RAPGEF5: variants seen among roughly 807,000 people sequenced by gnomAD.
RAPGEF5 encodes M-Ras-regulated GEF.
In RAPGEF5, 65 loss-of-function variants were observed where a neutral mutation model predicts 125.2. The ratio of observed to expected loss-of-function variants is 0.52; its 90% CI spans 0.43 to 0.64. The LOEUF (loss-of-function observed/expected upper bound fraction) is 0.64. Among genes scored for constraint, RAPGEF5 ranks in the 30% least tolerant of loss-of-function variants. The pLI, the probability that RAPGEF5 is intolerant of heterozygous loss-of-function variation, is 0.00. For missense variants in RAPGEF5, 958 were observed against 1,048.1 expected (o/e 0.91, Z 1.19); for synonymous variants, 391 against 385.9 (o/e 1.01, Z -0.16).
chr7:22,280,389 G>C (rs899103415), intron 6 of RAPGEF5, among the ~76,000 whole-genome samples: 1 of 152,174 alleles, frequency 6.6e-6, no homozygotes, highest in Non-Finnish European at 1.5e-5. Flanking sequence ...GATGGGAAAT[G>C]TCAACAAAAC....
At chr7:22,175,605 G>A (rs543197683) in intron 11 of RAPGEF5, among the ~76,000 whole-genome samples, 3 of 152,142 alleles carry the variant, frequency 2.0e-5, no homozygotes, top group Non-Finnish European at 4.4e-5. Flanking sequence ...AGATTCACTC[G>A]GTCCAACTCG....
intron 13 of RAPGEF5, 23 bp from the exon 14 acceptor site, chr7:22,160,638 A>C (rs1344177274): frequency 6.6e-7 from 1 of 1,514,200 alleles, no homozygotes; most frequent in East Asian, 2.5e-5. Context: ...GACAAATGAG[A>C]GCTCAGTGGT....
intron 1 of RAPGEF5, among the ~76,000 whole-genome samples, chr7:22,352,766 A>C (rs1209752326): frequency 1.3e-5 from 2 of 152,232 alleles, no homozygotes; most frequent in South Asian, 4.1e-4. Context: ...TATCCTGCAC[A>C]TTGTGAATTT....
intron 11 of RAPGEF5, among the ~76,000 whole-genome samples, chr7:22,179,152 T>C (rs1784596734): frequency 6.6e-6 from 1 of 152,178 alleles, no homozygotes; most frequent in Admixed American, 6.6e-5. Context: ...TAATAGAATA[T>C]TATATACAAT....
chr7:22,238,919 A>G (rs996572568), intron 7 of RAPGEF5, among the ~76,000 whole-genome samples: 5 of 152,218 alleles, frequency 3.3e-5, no homozygotes, highest in African/African-American at 1.2e-4. Flanking sequence ...ATCTGTACCA[A>G]TATGTTTTAA....
chr7:22,355,718 G>C (rs143886595), intron 1 of RAPGEF5, among the ~76,000 whole-genome samples: 174 of 152,206 alleles, frequency 1.1e-3, no homozygotes, highest in African/African-American at 4.0e-3. Context: ...ATGCAGCCTC[G>C]AGAAGCTGAA....
At chr7:22,312,481 T>C (rs542294501) in intron 3 of RAPGEF5, among the ~76,000 whole-genome samples, 86 of 152,260 alleles carry the variant, frequency 5.6e-4, no homozygotes, top group African/African-American at 1.9e-3. Flanking sequence ...AGTGCTGGGA[T>C]TACAGGCATG....
intron 12 of RAPGEF5, chr7:22,162,825 C>T: frequency 2.0e-6 from 1 of 491,294 alleles, no homozygotes; most frequent in South Asian, 1.7e-5. Flanking sequence ...TAATGCCAGC[C>T]CAAGGAGATA....
intron 2 of RAPGEF5, among the ~76,000 whole-genome samples, chr7:22,316,489 A>ATTTTTTT (rs1174593478): frequency 1.4e-4 from 7 of 50,642 alleles, no homozygotes; most frequent in Non-Finnish European, 1.7e-4. Flanking sequence ...ATATATATAT[A>ATTTTTTT]TTTTTTTTTT....
intron 24 of RAPGEF5, among the ~76,000 whole-genome samples, chr7:22,128,208 C>T (rs1220419910): frequency 3.9e-5 from 6 of 152,102 alleles, no homozygotes. Flanking sequence ...AAAGATGATG[C>T]TCTTAACATC....
chr7:22,345,091 T>C (rs1431372341), intron 1 of RAPGEF5, among the ~76,000 whole-genome samples: 1 of 152,194 alleles, frequency 6.6e-6, no homozygotes, highest in African/African-American at 2.4e-5. Flanking sequence ...CTGGAATATG[T>C]GTTTTAACAA....
chr7:22,223,447 A>G (rs909103137), intron 8 of RAPGEF5, among the ~76,000 whole-genome samples: 4 of 152,228 alleles, frequency 2.6e-5, no homozygotes, highest in Non-Finnish European at 2.9e-5. Context: ...CAATTCTTCC[A>G]AAGAGGTTTG....
chr7:22,162,310 T>C (rs116514747), intron 13 of RAPGEF5, 87 bp downstream of exon 13: 30,079 of 1,363,834 alleles, frequency 0.022, 433 homozygotes, highest in Middle Eastern at 0.055. Context: ...TGAATGACTG[T>C]TACCTACAAA....
intron 6 of RAPGEF5, among the ~76,000 whole-genome samples, chr7:22,289,278 CTACAT>C (rs1380919715): frequency 2.0e-5 from 3 of 152,148 alleles, no homozygotes; most frequent in African/African-American, 7.2e-5. Flanking sequence ...ATCCCAATAA[CTACAT>C]TACATTATTT....
At position 22,325,606 on chromosome 7, in the gene RAPGEF5, C is replaced by T. The variant is rs531686785; in HGVS notation, c.232-7569G>A. Among the ~76,000 whole-genome samples the T allele has an allele frequency of 4.6e-5, 7 of 152,298 alleles. No homozygotes were observed. In the South Asian group the frequency reaches 1.2e-3, roughly 27 times the overall value. On this transcript the variant is annotated intron_variant, in intron 1 of 25. Transcript: ENST00000665637. ...TTAAAGACAGGGTCTTGCTCTGTCT[C>T]CCAGGCTGGAGTGCAGTGGCACAAT...
chr7:22,266,071 G>A (rs548566972), intron 7 of RAPGEF5, among the ~76,000 whole-genome samples: 2 of 152,178 alleles, frequency 1.3e-5, no homozygotes, highest in African/African-American at 4.8e-5. Flanking sequence ...AATAGTAACT[G>A]AGAAAAAATC....
intron 11 of RAPGEF5, among the ~76,000 whole-genome samples, chr7:22,184,406 C>A (rs1052121380): frequency 2.6e-5 from 4 of 152,190 alleles, no homozygotes; most frequent in Admixed American, 6.5e-5. Flanking sequence ...ATTTGCATAA[C>A]CTTTCATGCT....
chr7:22,125,467 T>TA, intron 25 of RAPGEF5, 137 bp downstream of exon 25: 1 of 771,306 alleles, frequency 1.3e-6, no homozygotes, highest in South Asian at 1.7e-5. Flanking sequence ...CAATCTACTA[T>TA]ATATATACAA....
chr7:22,230,936 C>A lies in RAPGEF5; in HGVS notation c.797-17G>T. 1 of 1,548,692 alleles carries A rather than the reference C, an allele frequency of 6.5e-7. No homozygotes were observed. The highest frequency in any genetic ancestry group is 8.7e-7 in the Non-Finnish European group (1 of 1,143,266). ...GTTCAATTGCTTAAAAAAAAGAACACCATTAAACAAATGTATCATCATACA... is the reference window on the plus strand; with the variant it reads ...GTTCAATTGCTTAAAAAAAAGAACAACATTAAACAAATGTATCATCATACA... On this transcript the variant is annotated splice_polypyrimidine_tract_variant and intron_variant, in intron 7 of 25. Coordinates refer to ENST00000665637, the MANE Select transcript of RAPGEF5 (RefSeq NM_012294.5).
Sources: gnomAD v4.1 joint callset for allele counts (sites outside exome capture counted in the v4.1 genomes callset) on GRCh38, gnomAD v4.1.1 for gene constraint, MANE v1.5 for transcripts, NCBI Gene and HGNC (gene_info 2026-07-23, HGNC 2026-07-21) for gene names.